The following RBPMS variants were observed in gnomAD, a reference collection of about 807,000 sequenced individuals.
RBPMS encodes the protein RNA-binding protein with multiple splicing.
RBPMS carries 7 observed loss-of-function variants against 26.8 expected under a neutral mutation model. The observed-to-expected ratio is 0.26, with a 90% CI of 0.15 to 0.49. The LOEUF (loss-of-function observed/expected upper bound fraction) is 0.49, where lower values mean the gene tolerates loss of function less well. Among genes scored for constraint, RBPMS ranks in the 20% least tolerant of loss-of-function variants. The pLI is 0.98. For synonymous variants in RBPMS, 96 were observed against 93.3 expected (o/e 1.03, Z -0.17); for missense variants, 186 against 250.0 (o/e 0.74, Z 1.73).
intron 1 of RBPMS, among the ~76,000 whole-genome samples, chr8:30,423,093 G>T (rs1039832039): frequency 6.6e-6 from 1 of 152,174 alleles, no homozygotes; most frequent in East Asian, 1.9e-4. Context: ...CATGCCTTAG[G>T]CAGGAGAGCT....
At chr8:30,446,317 A>T (rs4416792) in intron 1 of RBPMS, among the ~76,000 whole-genome samples, 3 of 151,920 alleles carry the variant, frequency 2.0e-5, no homozygotes, top group Admixed American at 1.3e-4. Flanking sequence ...TATTGCCTTT[A>T]ATGTAAGAAT....
intron 5 of RBPMS, among the ~76,000 whole-genome samples, chr8:30,508,530 C>T (rs1212542246): frequency 6.6e-6 from 1 of 152,134 alleles, no homozygotes; most frequent in African/African-American, 2.4e-5. Flanking sequence ...AAAATGGGTA[C>T]ATTCACGTGC....
chr8:30,480,997 G>A (rs17627711), intron 4 of RBPMS, among the ~76,000 whole-genome samples: 26,584 of 152,210 alleles, frequency 0.17, 2,844 homozygotes, highest in South Asian at 0.31. Flanking sequence ...CTTCTCCTAT[G>A]TGTATAAAGA....
intron 1 of RBPMS, chr8:30,446,799 G>GTC (rs1218434834): frequency 6.0e-4 from 31 of 51,398 alleles, no homozygotes; most frequent in African/African-American, 2.3e-3. Flanking sequence ...CATGGCTTGT[G>GTC]TGTGTGTGTG....
At chr8:30,553,444 G>T (rs1585863653) in intron 6 of RBPMS, 1 of 152,350 alleles carries the variant, frequency 6.6e-6, no homozygotes, top group East Asian at 1.9e-4. Context: ...ACCAGATTAT[G>T]CTGGGCTTGG....
At chr8:30,481,546 CT>C (rs541133965) in intron 4 of RBPMS, among the ~76,000 whole-genome samples, 51 of 146,404 alleles carry the variant, frequency 3.5e-4, no homozygotes, top group Non-Finnish European at 3.3e-4. Flanking sequence ...GCTCTCCATT[CT>C]TTTTTTTTTT....
intron 5 of RBPMS, among the ~76,000 whole-genome samples, chr8:30,514,535 GTGA>G (rs1822079552): frequency 6.6e-6 from 1 of 151,960 alleles, no homozygotes; most frequent in African/African-American, 2.4e-5. Flanking sequence ...CAGATTGGTG[GTGA>G]TGTTAATGAA....
chr8:30,569,292 A>T (rs1203336599), intron 8 of RBPMS, among the ~76,000 whole-genome samples: 1 of 152,194 alleles, frequency 6.6e-6, no homozygotes, highest in Non-Finnish European at 1.5e-5. Flanking sequence ...CATTTGGGCC[A>T]CCTGCAAGTG....
rs542910971 is a variant in RBPMS, at chr8:30,513,858, C to T, written c.397+9422C>T. 4.6e-5 allele frequency among the ~76,000 whole-genome samples: 7 copies of T among 152,280 alleles called. No homozygotes were observed. The South Asian group carries it at 1.5e-3, about 32-fold the overall frequency. On this transcript the variant is annotated intron_variant, in intron 5 of 8. Coordinates refer to ENST00000397323, the MANE Select transcript of RBPMS (RefSeq NM_001008710.3). The stretch of plus-strand genomic sequence containing the variant: ...CATTGTTGATGCAGGCTCCCTTTTA[C>T]TTCCCTTTTGTAATCCTCAAATAAA...
intron 7 of RBPMS, among the ~76,000 whole-genome samples, chr8:30,559,817 A>G (rs1056346075): frequency 5.3e-5 from 8 of 152,234 alleles, no homozygotes; most frequent in African/African-American, 1.9e-4. Flanking sequence ...GATCATGGCA[A>G]ACCTGTGCAC....
At chr8:30,485,842 G>A (rs1425999156) in intron 4 of RBPMS, among the ~76,000 whole-genome samples, 1 of 152,178 alleles carries the variant, frequency 6.6e-6, no homozygotes, top group Non-Finnish European at 1.5e-5. Context: ...GATTTTCTTT[G>A]TTCTGGCTCT....
chr8:30,452,950 G>A (rs901889860), intron 1 of RBPMS, among the ~76,000 whole-genome samples: 1 of 152,122 alleles, frequency 6.6e-6, no homozygotes, highest in African/African-American at 2.4e-5. Flanking sequence ...GCAAATTGAG[G>A]GTTACTGTTC....
intron 1 of RBPMS, among the ~76,000 whole-genome samples, chr8:30,419,940 A>G (rs1343247889): frequency 6.6e-6 from 1 of 152,170 alleles, no homozygotes; most frequent in Non-Finnish European, 1.5e-5. Flanking sequence ...AAAGACCTGA[A>G]TAGGTCTGGT....
In RBPMS at chr8:30,525,750, C is replaced by T. The variant is rs79113425; in HGVS notation, c.398-18744C>T. ...GTACAGAGAAAGGCATTTGATGTGG[C>T]ACAGCCCTAGGCCAGGTAGGTGGCG... On this transcript the variant is annotated intron_variant, in intron 5 of 8. Transcript: ENST00000397323. Among the ~76,000 whole-genome samples the T allele has an allele frequency of 3.2e-4, 49 of 152,310 alleles. No individual in the cohort carries two copies. The East Asian group carries it at 5.0e-3, about 16-fold the overall frequency.
Position 30,477,817 on chromosome 8 carries a change from A to G in RBPMS, c.163A>G (p.Ile55Val), listed in dbSNP as rs888689123. The change falls in exon 3 of 9, where the codon ATA becomes GTA. Residue 55 changes from isoleucine (I) to valine (V), a missense_variant. This residue lies in a region of RBPMS where 50 missense variants were observed against 108.5 expected (regional missense o/e 0.46). Transcript: ENST00000397323. ...RPFKGYEGSL[I>V]KLTSKQPVGF... ...TTTTCAGGGCTATGAGGGTTCTCTTATAAAGCTCACATCTAAACAGGTAAG... is the reference window on the plus strand; with the variant it reads ...TTTTCAGGGCTATGAGGGTTCTCTTGTAAAGCTCACATCTAAACAGGTAAG... 1.2e-6 allele frequency: 2 copies of G among 1,610,212 alleles called. No homozygotes were observed. The highest frequency in any genetic ancestry group is 1.3e-5 in the African/African-American group (1 of 74,990).
At chr8:30,476,376 A>G (rs778648024) in intron 2 of RBPMS, among the ~76,000 whole-genome samples, 1 of 152,180 alleles carries the variant, frequency 6.6e-6, no homozygotes, top group Non-Finnish European at 1.5e-5. Context: ...GTTTTACTTG[A>G]GTGAAATATC....
At chr8:30,488,173 G>C (rs970384888) in intron 4 of RBPMS, among the ~76,000 whole-genome samples, 1 of 152,040 alleles carries the variant, frequency 6.6e-6, no homozygotes, top group African/African-American at 2.4e-5. Flanking sequence ...AATACACAGA[G>C]TACTTAAAGA....
At chr8:30,557,332 G>T (rs1827028638) in intron 6 of RBPMS, among the ~76,000 whole-genome samples, 1 of 152,186 alleles carries the variant, frequency 6.6e-6, no homozygotes, top group South Asian at 2.1e-4. Context: ...CAAGGTCGGG[G>T]TGCTGTGTCG....
At chr8:30,551,128 C>T (rs1206319202) in intron 6 of RBPMS, among the ~76,000 whole-genome samples, 1 of 152,166 alleles carries the variant, frequency 6.6e-6, no homozygotes, top group Admixed American at 6.5e-5. Context: ...TGCCCCCGGC[C>T]AGGCAGATGC....
Sources: gnomAD v4.1 joint callset for allele counts (sites outside exome capture counted in the v4.1 genomes callset) on GRCh38, gnomAD v4.1.1 for gene constraint, gnomAD v4.1.1 regional missense constraint, MANE v1.5 for transcripts, NCBI Gene and HGNC (gene_info 2026-07-23, HGNC 2026-07-21) for gene names.